Variants in TBX19 observed in about 807,000 individuals in gnomAD.
The protein encoded by TBX19 is T-box transcription factor TBX19.
A neutral mutation model predicts 40.9 loss-of-function variants in TBX19; 33 were observed. That is an observed-to-expected ratio of 0.81 (90% CI 0.61 to 1.08). TBX19 has a LOEUF of 1.08. Ranked by LOEUF, TBX19 falls within the 50% of genes least tolerant of loss-of-function variation. TBX19 has a pLI of 0.00. For missense variants in TBX19, 494 were observed against 574.0 expected (o/e 0.86, Z 1.42); for synonymous variants, 220 against 225.0 (o/e 0.98, Z 0.20).
intron 7 of TBX19, among the ~76,000 whole-genome samples, chr1:168,310,193 T>C (rs1304034719): frequency 3.3e-5 from 5 of 151,780 alleles, no homozygotes; most frequent in African/African-American, 1.2e-4. Context: ...TCCCAGCTAC[T>C]TGGGAAGCTG....
At chr1:168,309,026 G>A (rs1883148) in intron 7 of TBX19, 149 bp downstream of exon 7, 838,012 of 1,091,374 alleles carry the variant, frequency 0.77, 323,713 homozygotes, top group Non-Finnish European at 0.78. Flanking sequence ...TGGCAACAGG[G>A]TGGAGTTCTT....
rs756989988 is a variant in TBX19 at position 168,297,693 on chromosome 1, T to C, written c.604-31T>C. On this transcript the variant is annotated intron_variant, in intron 3 of 7. Coordinates refer to ENST00000367821, the MANE Select transcript of TBX19 (RefSeq NM_005149.3). Reference sequence around the variant, plus strand: ...TGTTTGCCCATGTGTATCCTACTTTTACTAACACTTCTTGTCTTTGTAAAT... The same window carrying C: ...TGTTTGCCCATGTGTATCCTACTTTCACTAACACTTCTTGTCTTTGTAAAT... The C allele has an allele frequency of 3.7e-6, 6 of 1,607,772 alleles. No homozygotes were observed. The South Asian group carries it at 6.6e-5, about 18-fold the overall frequency.
chr1:168,298,907 CTCTCTT>C (rs1394169021), intron 4 of TBX19, among the ~76,000 whole-genome samples: 1 of 137,072 alleles, frequency 7.3e-6, no homozygotes, highest in Admixed American at 7.6e-5. Flanking sequence ...TTCTCTCTCT[CTCTCTT>C]TCTTTCATTC....
At chr1:168,282,311 G>A (rs1648679157) in intron 1 of TBX19, among the ~76,000 whole-genome samples, 1 of 151,930 alleles carries the variant, frequency 6.6e-6, no homozygotes, top group African/African-American at 2.4e-5. Flanking sequence ...CTGATGTCTC[G>A]GTTTTCTATA....
rs1649564558 is a variant in TBX19, at chr1:168,313,018, C to G, written c.*16C>G. Reference sequence around the variant, plus strand: ...GGATGGTTAAGCAGGATCCTAGGAGCCTCTTTGCACAGCGATCCTTCCATG... The same window carrying G: ...GGATGGTTAAGCAGGATCCTAGGAGGCTCTTTGCACAGCGATCCTTCCATG... On this transcript the variant is annotated 3_prime_UTR_variant, in exon 8 of 8. Coordinates refer to ENST00000367821, the MANE Select transcript of TBX19 (RefSeq NM_005149.3). The G allele has an allele frequency of 3.1e-6, 5 of 1,613,896 alleles. No homozygotes were observed. The highest frequency in any genetic ancestry group is 4.2e-6 in the Non-Finnish European group (5 of 1,179,906).
chr1:168,281,315 C>T (rs1482598594), intron 1 of TBX19, 22 bp downstream of exon 1: 14 of 1,611,962 alleles, frequency 8.7e-6, no homozygotes, highest in African/African-American at 4.0e-5. Context: ...TGCCGCCCCG[C>T]GTGGGCTGGC....
At chr1:168,299,018 A>G (rs1347327878) in intron 4 of TBX19, among the ~76,000 whole-genome samples, 4 of 145,990 alleles carry the variant, frequency 2.7e-5, no homozygotes, top group African/African-American at 1.0e-4. Context: ...GGTGCAAGCG[A>G]TTCTCATGTC....
intron 1 of TBX19, among the ~76,000 whole-genome samples, chr1:168,284,035 A>G (rs1648742974): frequency 6.6e-6 from 1 of 152,108 alleles, no homozygotes; most frequent in African/African-American, 2.4e-5. Flanking sequence ...AAAAACACGG[A>G]ATTATCTCCA....
At chr1:168,290,496 A>G (rs1648910968) in intron 1 of TBX19, among the ~76,000 whole-genome samples, 1 of 152,228 alleles carries the variant, frequency 6.6e-6, no homozygotes, top group South Asian at 2.1e-4. Flanking sequence ...CCTGGAGGAA[A>G]GAACTGGTCT....
chr1:168,288,076 G>T (rs1156523829), intron 1 of TBX19, among the ~76,000 whole-genome samples: 1 of 152,160 alleles, frequency 6.6e-6, no homozygotes, highest in African/African-American at 2.4e-5. Flanking sequence ...ACTCAGTACA[G>T]CCATCCCTTG....
Position 168,297,749 on chromosome 1 carries a change from A to T in TBX19, c.629A>T (p.Asn210Ile), listed in dbSNP as rs771321846. 6.2e-7 allele frequency: 1 copy of T among 1,614,058 alleles called. No homozygotes were observed. Among genetic ancestry groups the T allele is most frequent in the Non-Finnish European group, 8.5e-7 (1 of 1,180,010 alleles). ...ATAACGGCTCTCAAAATCAAGTACA[A>T]TCCTTTTGCCAAAGCCTTCTTGGAT... ...EEITALKIKYNPFAKAFLDAK... is the reference protein window; with the variant it reads ...EEITALKIKYIPFAKAFLDAK... The change falls in exon 4 of 8, where the codon AAT becomes ATT. Residue 210 changes from asparagine to isoleucine, a missense_variant. Physicochemically the swap from Asn to Ile is moderately radical, Grantham distance 149 (BLOSUM62 -3). Around this residue, in one of 3 missense-constraint regions of TBX19, gnomAD observed 284 missense variants for 307.3 expected, o/e 0.92. Coordinates refer to ENST00000367821, the MANE Select transcript of TBX19 (RefSeq NM_005149.3).
chr1:168,280,981 G>A lies in TBX19; in HGVS notation c.-110G>A, dbSNP rs143086625. The A allele has an allele frequency of 2.2e-4, 224 of 1,032,524 alleles. No individual in the cohort carries two copies. The East Asian group carries it at 4.8e-3, about 22-fold the overall frequency. The allele number at this position is 1,032,524 out of a possible 1,614,324, so 64.0% of individuals were successfully genotyped here. On this transcript the variant is annotated 5_prime_UTR_variant, in exon 1 of 8. Coordinates refer to ENST00000367821, the MANE Select transcript of TBX19 (RefSeq NM_005149.3). Reference sequence around the variant, plus strand: ...GCAAGAGCCAGGGTATCTTCTCTCCGCTCCCCAAGCACTGTTCAAGTGGGT... The same window carrying A: ...GCAAGAGCCAGGGTATCTTCTCTCCACTCCCCAAGCACTGTTCAAGTGGGT...
intron 3 of TBX19, chr1:168,297,481 C>T (rs1309163404): frequency 1.7e-6 from 1 of 576,862 alleles, no homozygotes; most frequent in Non-Finnish European, 3.2e-6. Flanking sequence ...GCATTTTCAC[C>T]ACATGCAATG....
chr1:168,299,759 C>T (rs1425765204), intron 4 of TBX19, among the ~76,000 whole-genome samples: 2 of 152,110 alleles, frequency 1.3e-5, no homozygotes, highest in African/African-American at 4.8e-5. Flanking sequence ...CAGGAGTGAG[C>T]TACTGTGCCT....
chr1:168,304,098 A>C (rs976091995), intron 5 of TBX19, among the ~76,000 whole-genome samples: 21 of 152,292 alleles, frequency 1.4e-4, no homozygotes, highest in African/African-American at 5.1e-4. Flanking sequence ...TTCAAGATGG[A>C]GTCACTCTGG....
intron 3 of TBX19, among the ~76,000 whole-genome samples, chr1:168,295,074 T>A (rs995899275): frequency 6.6e-6 from 1 of 152,098 alleles, no homozygotes; most frequent in Admixed American, 6.5e-5. Context: ...GGGCAGATCA[T>A]GAGGTCAGGA....
chr1:168,313,227 T>G lies in TBX19; in HGVS notation c.*225T>G. The G allele has an allele frequency of 1.6e-6, 1 of 607,240 alleles. No homozygotes were observed. Among genetic ancestry groups the G allele is most frequent in the Middle Eastern group, 4.4e-4 (1 of 2,270 alleles). The allele number at this position is 607,240 out of a possible 1,614,324, so 37.6% of individuals were successfully genotyped here. A position where few individuals can be genotyped will look rare whatever the true frequency, so the allele number is the denominator to read the frequency against. ...TTTTCTTCTGCACTCCCATTTTCTC[T>G]GCAGCTTATTCTTGCCATGCTTAGG... On this transcript the variant is annotated 3_prime_UTR_variant, in exon 8 of 8. Coordinates refer to ENST00000367821, the MANE Select transcript of TBX19 (RefSeq NM_005149.3).
chr1:168,308,089 A>G (rs952989190), intron 6 of TBX19: 3 of 152,798 alleles, frequency 2.0e-5, no homozygotes, highest in African/African-American at 4.8e-5. Flanking sequence ...GAGTCCACAT[A>G]TAAGTGAGAT....
intron 5 of TBX19, 81 bp from the exon 6 acceptor site, chr1:168,304,927 T>A (rs1649362376): frequency 7.4e-7 from 1 of 1,356,990 alleles, no homozygotes; most frequent in East Asian, 2.3e-5. Context: ...GAATTGTAGC[T>A]GTGTAAAGTA....
Sources: gnomAD v4.1 joint callset for allele counts (sites outside exome capture counted in the v4.1 genomes callset) on GRCh38, gnomAD v4.1.1 for gene constraint, gnomAD v4.1.1 regional missense constraint, MANE v1.5 for transcripts, NCBI Gene and HGNC (gene_info 2026-07-23, HGNC 2026-07-21) for gene names.